Variants in MEIS2 observed in about 807,000 individuals in gnomAD.
The protein encoded by MEIS2 is homeobox protein Meis2.
In MEIS2, 9 loss-of-function variants were observed where a neutral mutation model predicts 58.6. The observed-to-expected ratio is 0.15, with a 90% CI of 0.09 to 0.27. The LOEUF (loss-of-function observed/expected upper bound fraction) is 0.27, where lower values mean the gene tolerates loss of function less well. Among genes scored for constraint, MEIS2 ranks in the 10% least tolerant of loss-of-function variants. The pLI, the probability that MEIS2 is intolerant of heterozygous loss-of-function variation, is 1.00. For missense variants in MEIS2, 427 were observed against 635.0 expected (o/e 0.67, Z 3.52); for synonymous variants, 221 against 228.4 (o/e 0.97, Z 0.29).
At position 37,036,783 on chromosome 15, in the gene MEIS2, TA is replaced by T. The variant is rs770541611; in HGVS notation, c.900+30del. 114 of 1,599,862 alleles carry T rather than the reference TA, an allele frequency of 7.1e-5. No homozygotes were observed. The African/African-American group carries it at 1.5e-3, about 21-fold the overall frequency. On this transcript the variant is annotated intron_variant, in intron 8 of 11. Coordinates refer to ENST00000561208, the MANE Select transcript of MEIS2 (RefSeq NM_170675.5). ...AACTTGCTAGCAAAACAACAAAAAC[TA>T]TTTTTTTTTTCTCTTTCATCTTGAC...
chr15:37,075,357 C>T (rs778218116), intron 7 of MEIS2, among the ~76,000 whole-genome samples: 33 of 151,962 alleles, frequency 2.2e-4, no homozygotes, highest in African/African-American at 7.7e-4. Flanking sequence ...CTACCTACAA[C>T]GAAATAATGC....
chr15:36,992,022 C>T (rs1441982407), intron 8 of MEIS2, among the ~76,000 whole-genome samples: 1 of 149,102 alleles, frequency 6.7e-6, no homozygotes, highest in African/African-American at 2.4e-5. Context: ...CTCCTGACCT[C>T]GTGATCCGCC....
chr15:36,913,658 C>G (rs550397102), intron 9 of MEIS2, among the ~76,000 whole-genome samples: 1 of 152,192 alleles, frequency 6.6e-6, no homozygotes, highest in South Asian at 2.1e-4. Flanking sequence ...ATTGAATTTA[C>G]ACACATATGC....
chr15:37,012,492 A>G (rs2061199275), intron 8 of MEIS2, among the ~76,000 whole-genome samples: 1 of 152,200 alleles, frequency 6.6e-6, no homozygotes, highest in Non-Finnish European at 1.5e-5. Flanking sequence ...TCCACAGGTG[A>G]CGTGTGCCCA....
intron 1 of MEIS2, chr15:37,098,424 G>A (rs867633678): frequency 4.3e-5 from 48 of 1,105,288 alleles, no homozygotes; most frequent in Middle Eastern, 3.5e-4. Context: ...GAGAGAGAGA[G>A]AAAATAAAAA....
At chr15:36,967,855 G>A (rs1279539315) in intron 8 of MEIS2, among the ~76,000 whole-genome samples, 1 of 151,946 alleles carries the variant, frequency 6.6e-6, no homozygotes, top group Admixed American at 6.6e-5. Flanking sequence ...CCCATGAATT[G>A]GGCATGACCA....
intron 7 of MEIS2, among the ~76,000 whole-genome samples, chr15:37,039,885 T>A (rs1055956231): frequency 1.7e-4 from 26 of 152,296 alleles, no homozygotes; most frequent in Non-Finnish European, 3.1e-4. Flanking sequence ...AACACAACAA[T>A]AAATACAATT....
At chr15:37,099,261 C>T (rs1432342809) in intron 1 of MEIS2, 194 bp downstream of exon 1, 2 of 1,453,460 alleles carry the variant, frequency 1.4e-6, no homozygotes, top group African/African-American at 1.4e-5. Flanking sequence ...CACACGCACG[C>T]ACACACACTC....
chr15:37,063,319 C>G (rs1198391942), intron 7 of MEIS2, among the ~76,000 whole-genome samples: 1 of 152,208 alleles, frequency 6.6e-6, no homozygotes, highest in Non-Finnish European at 1.5e-5. Flanking sequence ...GCGTGCACTA[C>G]TGTGCAGGAC....
intron 7 of MEIS2, among the ~76,000 whole-genome samples, chr15:37,045,503 A>C (rs991591231): frequency 1.3e-5 from 2 of 149,106 alleles, no homozygotes; most frequent in Admixed American, 6.7e-5. Flanking sequence ...GAAGAAGAAG[A>C]AGCTTTTGCT....
chr15:36,971,536 T>TAAA lies in MEIS2; in HGVS notation c.901-21137_901-21136insTTT, dbSNP rs1567126001. Reference sequence around the variant, plus strand: ...TGTATTACTTGTATGCCTTGTTACATTAAAAAAAAAAAAAAAAAAAAAAAA... The same window carrying TAAA: ...TGTATTACTTGTATGCCTTGTTACATAAATAAAAAAAAAAAAAAAAAAAAAAAA... On this transcript the variant is annotated intron_variant, in intron 8 of 11. Transcript: ENST00000561208. 4.4e-3 allele frequency among the ~76,000 whole-genome samples: 290 copies of TAAA among 65,406 alleles called. 52 individuals are homozygous for TAAA. The highest frequency in any genetic ancestry group is 0.012 in the Middle Eastern group (1 of 82). 42.9% of individuals were successfully genotyped at this position (65,406 alleles called of 152,430 possible).
At chr15:37,015,442 GC>G (rs1567183426) in intron 8 of MEIS2, among the ~76,000 whole-genome samples, 1 of 149,994 alleles carries the variant, frequency 6.7e-6, no homozygotes, top group Non-Finnish European at 1.5e-5. Flanking sequence ...TTGTTTTGGT[GC>G]AGGAGTATAT....
chr15:37,013,675 G>C (rs2061246588), intron 8 of MEIS2, among the ~76,000 whole-genome samples: 1 of 150,572 alleles, frequency 6.6e-6, no homozygotes, highest in South Asian at 2.1e-4. Flanking sequence ...AATGAATTCA[G>C]AGCTTTGGCA....
At chr15:37,016,033 A>C (rs1428667028) in intron 8 of MEIS2, among the ~76,000 whole-genome samples, 1 of 152,142 alleles carries the variant, frequency 6.6e-6, no homozygotes, top group East Asian at 1.9e-4. Context: ...CATTGGTAAA[A>C]ATCACCCAGT....
At chr15:37,099,126 C>G (rs1359366652) in intron 1 of MEIS2, 117 of 1,084,292 alleles carry the variant, frequency 1.1e-4, no homozygotes, top group Non-Finnish European at 1.2e-4. Context: ...AATCGCGCTG[C>G]TGGGGTAAAA....
At chr15:37,098,254 G>A in intron 1 of MEIS2, 55 bp from the exon 2 acceptor site, 1 of 1,490,338 alleles carries the variant, frequency 6.7e-7, no homozygotes, top group Middle Eastern at 1.8e-4. Flanking sequence ...GAACAGAGGA[G>A]GGGGGTGGAA....
At chr15:37,089,941 C>A (rs1231897266) in intron 6 of MEIS2, among the ~76,000 whole-genome samples, 1 of 152,056 alleles carries the variant, frequency 6.6e-6, no homozygotes, top group South Asian at 2.1e-4. Context: ...TATTCAGGAA[C>A]TCCACATGCT....
At chr15:36,896,451 C>T (rs8042194) in intron 10 of MEIS2, among the ~76,000 whole-genome samples, 177 bp downstream of exon 10, 5,615 of 152,066 alleles carry the variant, frequency 0.037, 332 homozygotes, top group African/African-American at 0.13. Context: ...TGGGAAATCT[C>T]CAATTAGCAC....
chr15:37,075,801 G>A (rs769881314), intron 7 of MEIS2, among the ~76,000 whole-genome samples: 7 of 151,976 alleles, frequency 4.6e-5, no homozygotes, highest in Non-Finnish European at 7.4e-5. Context: ...GATCAGGAAG[G>A]CTCACAGAGA....
Sources: gnomAD v4.1 joint callset for allele counts (sites outside exome capture counted in the v4.1 genomes callset) on GRCh38, gnomAD v4.1.1 for gene constraint, MANE v1.5 for transcripts, NCBI Gene and HGNC (gene_info 2026-07-23, HGNC 2026-07-21) for gene names.